The following UBR2 variants were observed in gnomAD, a reference collection of about 807,000 sequenced individuals.
UBR2 encodes the protein ubiquitin protein ligase E3 component n-recognin 2, also known as E3 ubiquitin-protein ligase UBR2.
In UBR2, 92 loss-of-function variants were observed where a neutral mutation model predicts 247.9. The ratio of observed to expected loss-of-function variants is 0.37; its 90% confidence interval spans 0.31 to 0.44. The LOEUF (loss-of-function observed/expected upper bound fraction) is 0.44. UBR2 is among the 20% of genes least tolerant of loss of function. UBR2 has a pLI of 1.00. For missense variants in UBR2, 1,613 were observed against 2,112.6 expected (o/e 0.76, Z 4.64); for synonymous variants, 672 against 693.5 (o/e 0.97, Z 0.49).
chr6:42,645,960 G>A lies in UBR2; in HGVS notation c.2409+370G>A, dbSNP rs141873283. On this transcript the variant is annotated intron_variant, in intron 21 of 46. Coordinates refer to ENST00000372901, the MANE Select transcript of UBR2 (RefSeq NM_001363705.2). The stretch of plus-strand genomic sequence containing the variant: ...AGTATATTGAGGAAGGGAGTCAGAA[G>A]TGCCTACTCACCTATACTGAGTAGA... Among the ~76,000 whole-genome samples, 88 of 152,234 alleles carry A rather than the reference G, an allele frequency of 5.8e-4. 1 individual carries two copies. In the East Asian group the frequency reaches 0.017, roughly 29 times the overall value.
intron 2 of UBR2, among the ~76,000 whole-genome samples, chr6:42,581,884 CAT>C (rs1337381471): frequency 6.6e-6 from 1 of 152,118 alleles, no homozygotes; most frequent in Non-Finnish European, 1.5e-5. Flanking sequence ...ATGTGCAACA[CAT>C]TAAAATATTA....
chr6:42,650,394 G>T lies in UBR2; in HGVS notation c.2565+8G>T. ...AGGGCAGAACAGTCCAAGGTAATTG[G>T]GAAAATTAAAAATGTAGCAGGGAAG... is the stretch of plus-strand genomic sequence containing the variant. On this transcript the variant is annotated splice_region_variant and intron_variant, in intron 23 of 46. Transcript: ENST00000372901. The T allele has an allele frequency of 2.5e-6, 4 of 1,604,080 alleles. No individual in the cohort carries two copies. The highest frequency in any genetic ancestry group is 1.1e-5 in the South Asian group (1 of 89,962).
At chr6:42,612,353 A>C in intron 8 of UBR2, 62 bp downstream of exon 8, 1 of 1,398,722 alleles carries the variant, frequency 7.1e-7, no homozygotes, top group African/African-American at 1.4e-5. Context: ...GCTGTTGCAA[A>C]ACTGTTTTGG....
intron 30 of UBR2, among the ~76,000 whole-genome samples, chr6:42,661,528 A>G (rs1218948525): frequency 6.6e-6 from 1 of 152,222 alleles, no homozygotes; most frequent in Non-Finnish European, 1.5e-5. Flanking sequence ...ACTAATTTAT[A>G]TAAAGAATTC....
At chr6:42,571,649 A>G (rs1209049549) in intron 1 of UBR2, among the ~76,000 whole-genome samples, 1 of 150,472 alleles carries the variant, frequency 6.6e-6, no homozygotes, top group Admixed American at 6.7e-5. Flanking sequence ...AGGCTGAGGC[A>G]GGAGAATCAC....
chr6:42,658,111 A>C lies in UBR2; in HGVS notation c.2960A>C (p.Asp987Ala). Reference sequence around the variant, plus strand: ...GCTCCCTACCTAGAAGTCCACAAAGACATGATTCGGTGGATATTGAAGGTA... The same window carrying C: ...GCTCCCTACCTAGAAGTCCACAAAGCCATGATTCGGTGGATATTGAAGGTA... ...QNAPYLEVHK[D>A]MIRWILKTFN... The change falls in exon 27 of 47, where the codon GAC becomes GCC. Residue 987 changes from aspartate (D) to alanine (A), a missense_variant. Asp to Ala is a moderately radical substitution (Grantham distance 126). Transcript: ENST00000372901. 6.2e-7 allele frequency: 1 copy of C among 1,614,104 alleles called. No homozygotes were observed. The highest frequency in any genetic ancestry group is 8.5e-7 in the Non-Finnish European group (1 of 1,179,978).
At chr6:42,688,071 A>G (rs1041614100) in intron 44 of UBR2, 145 bp from the exon 45 acceptor site, 9 of 830,434 alleles carry the variant, frequency 1.1e-5, no homozygotes, top group African/African-American at 1.0e-4. Context: ...TCCAGATTCT[A>G]GGAATAAACT....
intron 1 of UBR2, among the ~76,000 whole-genome samples, 195 bp downstream of exon 1, chr6:42,564,592 A>C (rs1218480656): frequency 6.6e-6 from 1 of 152,146 alleles, no homozygotes; most frequent in African/African-American, 2.4e-5. Flanking sequence ...CAGCTGCCAG[A>C]GCTGCGCTGT....
At chr6:42,614,054 G>A (rs1794259415) in intron 8 of UBR2, among the ~76,000 whole-genome samples, 1 of 150,640 alleles carries the variant, frequency 6.6e-6, no homozygotes, top group Admixed American at 6.6e-5. Context: ...GTGCATGCCT[G>A]TAATCCCAGG....
At chr6:42,597,688 C>T (rs1318588542) in intron 4 of UBR2, among the ~76,000 whole-genome samples, 1 of 151,310 alleles carries the variant, frequency 6.6e-6, no homozygotes, top group Admixed American at 6.6e-5. Context: ...CTGAGGCAGG[C>T]AGATCACCTG....
At chr6:42,605,566 G>A (rs1793647654) in intron 5 of UBR2, among the ~76,000 whole-genome samples, 155 bp from the exon 6 acceptor site, 1 of 152,186 alleles carries the variant, frequency 6.6e-6, no homozygotes, top group Non-Finnish European at 1.5e-5. Flanking sequence ...CCACCAGACT[G>A]TAGTATCACA....
rs151033437 is a variant in UBR2, at chr6:42,645,550, C to T, written c.2369C>T (p.Pro790Leu). Residue 790 changes from proline to leucine, a missense_variant, in exon 21 of 47, where the codon CCT becomes CTT. Physicochemically the swap from Pro to Leu is moderately conservative, Grantham distance 98 (BLOSUM62 -3). This residue lies in a region of UBR2 where 1,524 missense variants were observed against 1,967.3 expected (regional missense o/e 0.77). Coordinates refer to ENST00000372901, the MANE Select transcript of UBR2 (RefSeq NM_001363705.2). The stretch of plus-strand genomic sequence containing the variant: ...ATTATCCATCAGTTGAGTATCAAGC[C>T]TATGGCTCATAGTGAATTGGTAAAG... Reference protein sequence around the residue: ...REIIHQLSIKPMAHSELVKSL... With the variant: ...REIIHQLSIKLMAHSELVKSL... 3 of 1,613,652 alleles carry T rather than the reference C, an allele frequency of 1.9e-6. No individual in the cohort carries two copies. Among genetic ancestry groups the T allele is most frequent in the African/African-American group, 1.3e-5 (1 of 74,886 alleles).
chr6:42,678,806 A>G lies in UBR2; in HGVS notation c.4609+137A>G, dbSNP rs1051968293. 27 of 929,990 alleles carry G rather than the reference A, an allele frequency of 2.9e-5. No homozygotes were observed. The Admixed American group carries it at 5.2e-4, about 18-fold the overall frequency. 57.6% of individuals were successfully genotyped at this position (929,990 alleles called of 1,614,324 possible). On this transcript the variant is annotated intron_variant, in intron 41 of 46. Coordinates refer to ENST00000372901, the MANE Select transcript of UBR2 (RefSeq NM_001363705.2). The stretch of plus-strand genomic sequence containing the variant: ...ATTGACTATGGTGATGTACACATTT[A>G]TAGCATAAAATGTATGTTTATGCAT...
At chr6:42,681,860 G>A (rs192590215) in intron 42 of UBR2, among the ~76,000 whole-genome samples, 8 of 152,338 alleles carry the variant, frequency 5.3e-5, no homozygotes, top group African/African-American at 1.7e-4. Context: ...ATGTTCAACA[G>A]ATGAATGGAT....
At position 42,573,585 on chromosome 6, in the gene UBR2, A is replaced by C. The variant is rs963074329; in HGVS notation, c.79-149A>C. ...ACATACTTGGCATTTTAATAGATTA[A>C]ATTTCTAACGTACGGTGGTGAGTGT... On this transcript the variant is annotated intron_variant, in intron 1 of 46. Transcript: ENST00000372901. 25 of 860,514 alleles carry C rather than the reference A, an allele frequency of 2.9e-5. No individual in the cohort carries two copies. The African/African-American group carries it at 4.2e-4, about 14-fold the overall frequency. 53.3% of individuals were successfully genotyped at this position (860,514 alleles called of 1,614,324 possible).
intron 2 of UBR2, among the ~76,000 whole-genome samples, chr6:42,589,645 T>C (rs1357055094): frequency 1.3e-5 from 2 of 152,226 alleles, no homozygotes; most frequent in African/African-American, 4.8e-5. Flanking sequence ...GCTTTTGATT[T>C]TGAAGGTTAT....
In UBR2 at chr6:42,573,767, G is replaced by T; in HGVS notation, c.112G>T (p.Val38Leu). ...WLQATDLTRE[V>L]YQHLAHYVPK... ...GCAAGCAACTGACCTCACTAGAGAA[G>T]TGTACCAGCATTTAGCCCACTATGT... The change falls in exon 2 of 47, where the codon GTG (valine) becomes TTG (leucine). Residue 38 changes from valine (V) to leucine (L), a missense_variant. Val to Leu is a conservative substitution (Grantham distance 32, BLOSUM62 1). This residue lies in a region of UBR2 where 1,524 missense variants were observed against 1,967.3 expected (regional missense o/e 0.77). Coordinates refer to ENST00000372901, the MANE Select transcript of UBR2 (RefSeq NM_001363705.2). 1 of 1,598,640 alleles carries T rather than the reference G, an allele frequency of 6.3e-7. No individual in the cohort carries two copies. The highest frequency in any genetic ancestry group is 8.5e-7 in the Non-Finnish European group (1 of 1,170,840).
At chr6:42,614,205 A>ATAT (rs1562310782) in intron 8 of UBR2, among the ~76,000 whole-genome samples, 506 of 26,578 alleles carry the variant, frequency 0.019, 59 homozygotes, top group Non-Finnish European at 0.025. Flanking sequence ...AAAAAAAAAA[A>ATAT]CTATATATAT....
rs116433839 is a variant in UBR2 at position 42,622,368 on chromosome 6, G to C, written c.1281+4861G>C. 6.1e-3 allele frequency among the ~76,000 whole-genome samples: 902 copies of C among 148,776 alleles called. 8 individuals are homozygous for C. The highest frequency in any genetic ancestry group is 0.021 in the African/African-American group (832 of 39,210). On this transcript the variant is annotated intron_variant, in intron 11 of 46. Coordinates refer to ENST00000372901, the MANE Select transcript of UBR2 (RefSeq NM_001363705.2). ...TTTCTAGGTGTTTGGTTTGGTTTTGGGGGGAGGGGAGACATTGTTTTTGGG... is the reference window on the plus strand; with the variant it reads ...TTTCTAGGTGTTTGGTTTGGTTTTGCGGGGAGGGGAGACATTGTTTTTGGG...
Sources: gnomAD v4.1 joint callset for allele counts (sites outside exome capture counted in the v4.1 genomes callset) on GRCh38, gnomAD v4.1.1 for gene constraint, gnomAD v4.1.1 regional missense constraint, MANE v1.5 for transcripts, NCBI Gene and HGNC (gene_info 2026-07-23, HGNC 2026-07-21) for gene names.